The following PARVB variants were observed in gnomAD, a reference collection of about 807,000 sequenced individuals.
PARVB encodes the protein beta-parvin.
Under a neutral mutation model 47.0 loss-of-function variants are expected in PARVB, and 46 were observed. The observed-to-expected ratio is 0.98, with a 90% CI of 0.77 to 1.25. The LOEUF is 1.25. Among genes scored for constraint, PARVB ranks in the 50% most tolerant of loss-of-function variants. PARVB has a pLI of 0.00. For missense variants in PARVB, 473 were observed against 471.6 expected (o/e 1.00, Z -0.03); for synonymous variants, 196 against 196.3 (o/e 1.00, Z 0.01).
intron 2 of PARVB, among the ~76,000 whole-genome samples, chr22:44,096,348 A>G (rs911693959): frequency 1.3e-5 from 2 of 152,230 alleles, no homozygotes; most frequent in Non-Finnish European, 2.9e-5. Flanking sequence ...CAGTGAGCCA[A>G]GATCACACCA....
At chr22:44,118,587 A>T (rs2052966505) in intron 3 of PARVB, among the ~76,000 whole-genome samples, 3 of 152,328 alleles carry the variant, frequency 2.0e-5, no homozygotes, top group Middle Eastern at 3.4e-3. Context: ...TCTTGGGGTG[A>T]TGAGAGGGCA....
intron 11 of PARVB, among the ~76,000 whole-genome samples, chr22:44,161,556 C>A (rs1049568809): frequency 1.3e-5 from 2 of 152,128 alleles, no homozygotes; most frequent in African/African-American, 4.8e-5. Context: ...TCATGATCCA[C>A]CCGCCTCAGC....
intron 1 of PARVB, among the ~76,000 whole-genome samples, chr22:44,070,221 G>C (rs2051624508): frequency 6.6e-6 from 1 of 152,166 alleles, no homozygotes; most frequent in Admixed American, 6.5e-5. Context: ...CCTGCCCAAG[G>C]TCACACCGCA....
chr22:44,081,567 C>T (rs2051900766), intron 1 of PARVB: 17 of 984,422 alleles, frequency 1.7e-5, no homozygotes, highest in East Asian at 1.1e-4. Flanking sequence ...TGGGAACCAG[C>T]GAACGTGCTT....
intron 4 of PARVB, among the ~76,000 whole-genome samples, chr22:44,123,351 T>C (rs983109569): frequency 6.6e-6 from 1 of 152,132 alleles, no homozygotes; most frequent in African/African-American, 2.4e-5. Context: ...GGCAGAGAAC[T>C]GTGCCTTTGA....
At position 44,163,838 on chromosome 22, in the gene PARVB, C is replaced by T. The variant is rs747719452; in HGVS notation, c.946-20C>T. On this transcript the variant is annotated intron_variant, in intron 11 of 12. Transcript: ENST00000338758. Reference sequence around the variant, plus strand: ...ACGACTGTTGGACCCTAACGCTGACCCACCCCCCTTCCTTGGCAGGTCCAC... The same window carrying T: ...ACGACTGTTGGACCCTAACGCTGACTCACCCCCCTTCCTTGGCAGGTCCAC... 1.3e-6 allele frequency: 2 copies of T among 1,598,886 alleles called. No homozygotes were observed. The highest frequency in any genetic ancestry group is 1.1e-5 in the South Asian group (1 of 87,816).
chr22:44,070,808 C>G (rs558595540), intron 1 of PARVB, among the ~76,000 whole-genome samples: 3 of 152,134 alleles, frequency 2.0e-5, no homozygotes, highest in African/African-American at 7.2e-5. Flanking sequence ...CCTGCCCGCA[C>G]CTCCTGGGAC....
In PARVB at chr22:44,068,647, G is replaced by C. The variant is rs1203742087; in HGVS notation, c.113-25281G>C. On this transcript the variant is annotated intron_variant, in intron 1 of 12. Transcript: ENST00000338758. The surrounding 1 kb of genome is among the most constrained non-coding windows in gnomAD (Gnocchi z 4.1). ...TAGTCGGCACACGGGAGATGCAGCT[G>C]GGGTGGCACGTGCCCACAGTGGTGC... is the stretch of plus-strand genomic sequence containing the variant. Among the ~76,000 whole-genome samples, 1 of 152,224 alleles carries C rather than the reference G, an allele frequency of 6.6e-6. No individual in the cohort carries two copies. The highest frequency in any genetic ancestry group is 1.5e-5 in the Non-Finnish European group (1 of 68,030).
intron 1 of PARVB, among the ~76,000 whole-genome samples, chr22:44,061,864 G>C (rs1194031767): frequency 6.6e-6 from 1 of 152,116 alleles, no homozygotes; most frequent in Non-Finnish European, 1.5e-5. Context: ...CGATCCACCC[G>C]CTTTGGCCTC....
chr22:44,046,866 A>G (rs2051121609), intron 1 of PARVB, among the ~76,000 whole-genome samples: 2 of 152,060 alleles, frequency 1.3e-5, no homozygotes, highest in South Asian at 4.1e-4. Context: ...TGAGGTCCTT[A>G]TCAGTGCCGG....
chr22:44,065,879 G>GTGTGTA (rs1173217027), intron 1 of PARVB, among the ~76,000 whole-genome samples: 3 of 151,804 alleles, frequency 2.0e-5, no homozygotes, highest in Non-Finnish European at 4.4e-5. Context: ...GTGTGTGTGT[G>GTGTGTA]TATACACTGA....
chr22:44,164,409 T>C (rs1377816657), intron 12 of PARVB, among the ~76,000 whole-genome samples: 12 of 142,302 alleles, frequency 8.4e-5, no homozygotes, highest in Admixed American at 1.4e-4. Flanking sequence ...TGCTTCCCTG[T>C]CCCCCCCCCG....
At position 44,155,861 on chromosome 22, in the gene PARVB, C is replaced by T. The variant is rs1003541716; in HGVS notation, c.844-2121C>T. Among the ~76,000 whole-genome samples the T allele has an allele frequency of 1.1e-4, 17 of 152,194 alleles. No homozygotes were observed. On this transcript the variant is annotated intron_variant, in intron 10 of 12. Transcript: ENST00000338758. The surrounding 1 kb of genome is among the most constrained non-coding windows in gnomAD (Gnocchi z 4.8). ...GTGCCATTTGCCCATCAACTGACAG[C>T]GTGTTGAATTTCCAGGCGCAGTGGC... is the stretch of plus-strand genomic sequence containing the variant.
At chr22:44,039,076 C>T (rs2050972110) in intron 1 of PARVB, among the ~76,000 whole-genome samples, 1 of 152,162 alleles carries the variant, frequency 6.6e-6, no homozygotes, top group Non-Finnish European at 1.5e-5. Context: ...CCCCGCAGAC[C>T]CATGGGAAAG....
At chr22:44,052,127 C>T (rs2051221256) in intron 1 of PARVB, among the ~76,000 whole-genome samples, 1 of 152,200 alleles carries the variant, frequency 6.6e-6, no homozygotes, top group African/African-American at 2.4e-5. Flanking sequence ...AAGGTGGCCA[C>T]AGGATGCGAA....
At position 44,151,425 on chromosome 22, in the gene PARVB, C is replaced by T. The variant is rs2053805434; in HGVS notation, c.775-58C>T. 6 of 1,313,688 alleles carry T rather than the reference C, an allele frequency of 4.6e-6. No homozygotes were observed. The Admixed American group carries it at 8.4e-5, about 18-fold the overall frequency. The allele number at this position is 1,313,688 out of a possible 1,614,324, so 81.4% of individuals were successfully genotyped here. A position where few individuals can be genotyped will look rare whatever the true frequency, so the allele number is the denominator to read the frequency against. Reference sequence around the variant, plus strand: ...CTGGCAAATGTCAAGCCTGCCCCTCCAGATGGGACCTGCATGCGGGCCATT... The same window carrying T: ...CTGGCAAATGTCAAGCCTGCCCCTCTAGATGGGACCTGCATGCGGGCCATT... On this transcript the variant is annotated intron_variant, in intron 9 of 12. Coordinates refer to ENST00000338758, the MANE Select transcript of PARVB (RefSeq NM_013327.5).
chr22:44,031,515 C>T (rs1295174603), intron 1 of PARVB: 1 of 151,100 alleles, frequency 6.6e-6, no homozygotes, highest in Non-Finnish European at 1.5e-5. Flanking sequence ...AAGGTAAAGG[C>T]ACTGCTTGGC....
intron 1 of PARVB, among the ~76,000 whole-genome samples, chr22:44,070,964 C>T (rs1427550104): frequency 6.6e-6 from 1 of 152,118 alleles, no homozygotes; most frequent in African/African-American, 2.4e-5. Context: ...GGGCCCCTGC[C>T]CTAGACCCCA....
At chr22:44,122,580 G>GAGAC (rs1569134623) in intron 4 of PARVB, among the ~76,000 whole-genome samples, 1 of 136,952 alleles carries the variant, frequency 7.3e-6, no homozygotes, top group African/African-American at 3.1e-5. Context: ...GAGAGAGAGA[G>GAGAC]AGAGAGAGAG....
Sources: gnomAD v4.1 joint callset for allele counts (sites outside exome capture counted in the v4.1 genomes callset) on GRCh38, gnomAD v4.1.1 for gene constraint, Gnocchi (gnomAD v3.1) non-coding constraint, MANE v1.5 for transcripts, NCBI Gene and HGNC (gene_info 2026-07-23, HGNC 2026-07-21) for gene names.